Variants in PRKCH observed in about 807,000 individuals in gnomAD.
PRKCH encodes protein kinase C eta type.
In PRKCH, 28 loss-of-function variants were observed where a neutral mutation model predicts 82.5. The ratio of observed to expected loss-of-function variants is 0.34; its 90% CI spans 0.25 to 0.47. The LOEUF is 0.47. Among genes scored for constraint, PRKCH ranks in the 20% least tolerant of loss-of-function variants. The pLI is 1.00. For synonymous variants in PRKCH, 322 were observed against 327.4 expected, an observed-to-expected ratio of 0.98 and a Z score of 0.18; for missense variants, 705 against 881.8, an observed-to-expected ratio of 0.80 and a Z score of 2.54.
intron 1 of PRKCH, among the ~76,000 whole-genome samples, chr14:61,302,648 G>A (rs2045456182): frequency 6.6e-6 from 1 of 152,026 alleles, no homozygotes; most frequent in Non-Finnish European, 1.5e-5. Context: ...CAGTTATTTA[G>A]AACTATGTTG....
intron 2 of PRKCH, among the ~76,000 whole-genome samples, chr14:61,423,755 G>T (rs1882975923): frequency 1.3e-5 from 2 of 152,152 alleles, no homozygotes; most frequent in African/African-American, 4.8e-5. Flanking sequence ...AATACAGTTG[G>T]GGATGTGTGG....
intron 1 of PRKCH, among the ~76,000 whole-genome samples, chr14:61,342,498 C>T (rs545297486): frequency 4.6e-4 from 70 of 152,256 alleles, no homozygotes; most frequent in Admixed American, 8.5e-4. Flanking sequence ...TGACTTGGTT[C>T]GGACACTGAA....
At chr14:61,406,167 G>A (rs1881936254) in intron 2 of PRKCH, among the ~76,000 whole-genome samples, 1 of 148,480 alleles carries the variant, frequency 6.7e-6, no homozygotes, top group African/African-American at 2.4e-5. Context: ...TGGTGGCTGG[G>A]AGGTTTGCTA....
At chr14:61,375,110 A>C (rs1464534225) in intron 1 of PRKCH, among the ~76,000 whole-genome samples, 2 of 152,006 alleles carry the variant, frequency 1.3e-5, no homozygotes, top group South Asian at 2.1e-4. Context: ...ACCCTAAATT[A>C]TCTCTCTCAA....
chr14:61,220,805 G>T (rs988496175), intron 1 of PRKCH, among the ~76,000 whole-genome samples: 25 of 152,112 alleles, frequency 1.6e-4, no homozygotes, highest in Middle Eastern at 3.4e-3. Flanking sequence ...GAAAGGAAAG[G>T]ATTAAAAGAA....
At chr14:61,524,629 TA>T (rs1036744429) in intron 10 of PRKCH, among the ~76,000 whole-genome samples, 1 of 151,918 alleles carries the variant, frequency 6.6e-6, no homozygotes, top group Non-Finnish European at 1.5e-5. Flanking sequence ...TCTTTTGCTT[TA>T]AAAAAAATAA....
At chr14:61,512,284 C>G (rs572227322) in intron 10 of PRKCH, among the ~76,000 whole-genome samples, 64 of 136,946 alleles carry the variant, frequency 4.7e-4, no homozygotes, top group African/African-American at 1.7e-3. Flanking sequence ...AAGCAGGGCT[C>G]AGAAGCAGAG....
chr14:61,208,352 A>C (rs2044543754), intron 1 of PRKCH, among the ~76,000 whole-genome samples: 1 of 152,188 alleles, frequency 6.6e-6, no homozygotes, highest in Non-Finnish European at 1.5e-5. Flanking sequence ...GGACAAAAAA[A>C]ATTATAAGAC....
intron 9 of PRKCH, among the ~76,000 whole-genome samples, chr14:61,466,693 A>G (rs1490827590): frequency 6.6e-6 from 1 of 152,144 alleles, no homozygotes; most frequent in Non-Finnish European, 1.5e-5. Flanking sequence ...GGGCTGAGCG[A>G]AGTACTCCTC....
chr14:61,270,566 T>C (rs1351450881), intron 1 of PRKCH, among the ~76,000 whole-genome samples: 5 of 152,194 alleles, frequency 3.3e-5, no homozygotes, highest in Admixed American at 2.6e-4. Context: ...GAAAACACAT[T>C]TAAAAATTAT....
upstream of PRKCH, among the ~76,000 whole-genome samples, chr14:61,321,366 C>A (rs994565626): frequency 6.6e-6 from 1 of 152,232 alleles, no homozygotes; most frequent in African/African-American, 2.4e-5. This position sits in a 1 kb window ranked among gnomAD's most constrained non-coding sequence, Gnocchi z 4.1. Flanking sequence ...GGCTGGGCCA[C>A]GAACCCTTTC....
At chr14:61,443,600 A>T (rs766682379) in intron 3 of PRKCH, among the ~76,000 whole-genome samples, 33 of 152,250 alleles carry the variant, frequency 2.2e-4, no homozygotes, top group Non-Finnish European at 4.1e-4. Context: ...AGGACCAAAG[A>T]ATAATCAACA....
chr14:61,520,633 A>G (rs1053143210), intron 10 of PRKCH, among the ~76,000 whole-genome samples: 1 of 152,226 alleles, frequency 6.6e-6, no homozygotes, highest in African/African-American at 2.4e-5. Flanking sequence ...CATTAAACAT[A>G]TATTCTTCTT....
intron 2 of PRKCH, among the ~76,000 whole-genome samples, chr14:61,420,155 A>G (rs905362555): frequency 1.4e-4 from 22 of 152,150 alleles, no homozygotes; most frequent in African/African-American, 5.3e-4. Context: ...TGCCCTTTGT[A>G]CTAAATGGGT....
chr14:61,527,815 AC>A lies in PRKCH; in HGVS notation c.1434-1258del, dbSNP rs540666058. ...ACCATACCCAGGGTTCTCTGAGTCC[AC>A]CTGCACAGCCATACTGCTGGGCTTG... On this transcript the variant is annotated intron_variant, in intron 10 of 13. Transcript: ENST00000332981. 2.0e-5 allele frequency: 3 copies of A among 152,326 alleles called. No homozygotes were observed. In the East Asian group the frequency reaches 5.8e-4, roughly 30 times the overall value. The allele number at this position is 152,326 out of a possible 1,614,324, so 9.4% of individuals were successfully genotyped here.
At chr14:61,257,942 C>T (rs143848088) in intron 1 of PRKCH, among the ~76,000 whole-genome samples, 3 of 151,650 alleles carry the variant, frequency 2.0e-5, no homozygotes, top group Non-Finnish European at 4.4e-5. Context: ...TTGAGTTCCA[C>T]TCTGGAACTA....
intron 12 of PRKCH, among the ~76,000 whole-genome samples, chr14:61,541,414 C>T (rs2043183439): frequency 6.6e-6 from 1 of 152,200 alleles, no homozygotes; most frequent in Non-Finnish European, 1.5e-5. Flanking sequence ...TCCCCAGGAC[C>T]CTCTCTAGAG....
intron 10 of PRKCH, among the ~76,000 whole-genome samples, chr14:61,507,857 A>T (rs1887218638): frequency 6.6e-6 from 1 of 152,138 alleles, no homozygotes; most frequent in Non-Finnish European, 1.5e-5. Flanking sequence ...CTACTGTACA[A>T]CATAAGACCT....
chr14:61,413,897 C>G (rs993676010), intron 2 of PRKCH, among the ~76,000 whole-genome samples: 1 of 152,180 alleles, frequency 6.6e-6, no homozygotes, highest in African/African-American at 2.4e-5. Context: ...ATTGCCAAAT[C>G]CAGTAAGCAG....
Sources: allele counts gnomAD v4.1 joint callset (sites outside exome capture counted in the v4.1 genomes callset), GRCh38; gene constraint gnomAD v4.1.1; non-coding constraint Gnocchi (gnomAD v3.1); transcripts MANE v1.5; gene names NCBI Gene and HGNC (gene_info 2026-07-23, HGNC 2026-07-21).